Variants in ZKSCAN7 observed in about 807,000 individuals in gnomAD.
The protein encoded by ZKSCAN7 is zinc finger protein with KRAB and SCAN domains 7.
In ZKSCAN7, 38 loss-of-function variants were observed where a neutral mutation model predicts 65.3. The ratio of observed to expected loss-of-function variants is 0.58; its 90% confidence interval spans 0.45 to 0.76. ZKSCAN7 has a LOEUF of 0.76. Among genes scored for constraint, ZKSCAN7 ranks in the 30% least tolerant of loss-of-function variants. ZKSCAN7 has a pLI of 0.00. For synonymous variants in ZKSCAN7, 321 were observed against 321.0 expected, an observed-to-expected ratio of 1.00 and a Z score of 0.00; for missense variants, 815 against 913.3, an observed-to-expected ratio of 0.89 and a Z score of 1.39.
chr3:44,563,418 T>C (rs1420207897), intron 2 of ZKSCAN7, among the ~76,000 whole-genome samples: 1 of 152,198 alleles, frequency 6.6e-6, no homozygotes, highest in Non-Finnish European at 1.5e-5. Flanking sequence ...TTAGGTAATT[T>C]ATGAAGAAAA....
Position 44,578,382 on chromosome 3 carries a change from C to T in ZKSCAN7, c.812-4590C>T, listed in dbSNP as rs565589386. ...AGGGGTGACCCAGTGGCCTCCCCAC[C>T]GCCGTCCCCAGTCAGCAGCGTCCGC... On this transcript the variant is annotated intron_variant, in intron 5 of 5. Transcript: ENST00000341840. 5.5e-5 allele frequency: 89 copies of T among 1,613,402 alleles called. No homozygotes were observed. The Middle Eastern group carries it at 1.3e-3, about 24-fold the overall frequency.
chr3:44,575,014 C>A (rs894614564), downstream of ZKSCAN7, among the ~76,000 whole-genome samples: 1 of 151,680 alleles, frequency 6.6e-6, no homozygotes, highest in Non-Finnish European at 1.5e-5. Flanking sequence ...TGGGTCCAGT[C>A]AGGTGTGGTG....
At chr3:44,572,843 C>G, downstream of ZKSCAN7, among the ~76,000 whole-genome samples, 2 of 58,420 alleles carry the variant, frequency 3.4e-5, 1 homozygote, top group South Asian at 8.7e-4. Flanking sequence ...GAGCGAGACT[C>G]TGTCTCAAAA....
rs1228266988 is a variant in ZKSCAN7, at chr3:44,572,110, T to C, written c.*735T>C. ...GGTATGTATTTCTTTCCCATATAGA[T>C]AGTATTTTGTACATACCAGTTGTTA... On this transcript the variant is annotated 3_prime_UTR_variant, in exon 6 of 6. Coordinates refer to ENST00000426540, the MANE Select transcript of ZKSCAN7 (RefSeq NM_001288590.2). 6 of 983,050 alleles carry C rather than the reference T, an allele frequency of 6.1e-6. No individual in the cohort carries two copies. The highest frequency in any genetic ancestry group is 9.4e-5 in the South Asian group (2 of 21,256). 60.9% of individuals were successfully genotyped at this position (983,050 alleles called of 1,614,324 possible).
chr3:44,566,907 T>G (rs1212659086), intron 3 of ZKSCAN7, among the ~76,000 whole-genome samples: 1 of 151,830 alleles, frequency 6.6e-6, no homozygotes. Context: ...TCACTTGAGG[T>G]CAGGAGTTTG....
downstream of ZKSCAN7, among the ~76,000 whole-genome samples, chr3:44,575,796 T>C (rs1433209957): frequency 6.6e-6 from 1 of 152,188 alleles, no homozygotes; most frequent in Non-Finnish European, 1.5e-5. Flanking sequence ...CAGGCTGGTC[T>C]CGAATTCCCG....
At chr3:44,564,957 T>C (rs144037668) in intron 2 of ZKSCAN7, among the ~76,000 whole-genome samples, 318 of 152,182 alleles carry the variant, frequency 2.1e-3, no homozygotes, top group Middle Eastern at 6.8e-3. Context: ...CGTGCCACCA[T>C]GCCTGGCTAA....
At chr3:44,575,142 A>T (rs1435138369), downstream of ZKSCAN7, among the ~76,000 whole-genome samples, 1 of 152,164 alleles carries the variant, frequency 6.6e-6, no homozygotes, top group Non-Finnish European at 1.5e-5. Context: ...AAATAAAAAA[A>T]TATATTAGTT....
At chr3:44,569,230 C>T (rs1176245794) in intron 5 of ZKSCAN7, among the ~76,000 whole-genome samples, 7 of 152,228 alleles carry the variant, frequency 4.6e-5, no homozygotes, top group Admixed American at 2.0e-4. Flanking sequence ...TGTGGCCCAT[C>T]GTGGGATGCT....
chr3:44,560,857 T>C (rs1486832241), intron 2 of ZKSCAN7, among the ~76,000 whole-genome samples: 3 of 152,206 alleles, frequency 2.0e-5, no homozygotes, highest in African/African-American at 7.2e-5. Context: ...AAACAGGCAG[T>C]GCAGTAATCA....
At chr3:44,566,212 C>G (rs1159550457) in intron 3 of ZKSCAN7, among the ~76,000 whole-genome samples, 1 of 152,166 alleles carries the variant, frequency 6.6e-6, no homozygotes, top group Non-Finnish European at 1.5e-5. Flanking sequence ...AGACCCTAAG[C>G]TGGAGATTCC....
Position 44,569,939 on chromosome 3 carries a change from A to G in ZKSCAN7, c.829A>G (p.Lys277Glu), listed in dbSNP as rs1472830490. The G allele has an allele frequency of 6.5e-7, 1 of 1,538,510 alleles. No individual in the cohort carries two copies. The highest frequency in any genetic ancestry group is 1.4e-5 in the African/African-American group (1 of 71,972). The change falls in exon 6 of 6, where the codon AAG becomes GAG. Residue 277 changes from lysine to glutamate, a missense_variant. This residue lies in a region of ZKSCAN7 where 578 missense variants were observed against 629.5 expected (regional missense o/e 0.92). Transcript: ENST00000426540. Reference protein sequence around the residue: ...MASLAGENMMKGSELTPKQEF... With the variant: ...MASLAGENMMEGSELTPKQEF... ...TTGGGCAGCAGGTGAGAACATGATG[A>G]AGGGTTCAGAGTTGACTCCAAAGCA...
At chr3:44,559,155 C>T (rs965135501) in intron 2 of ZKSCAN7, among the ~76,000 whole-genome samples, 4 of 151,794 alleles carry the variant, frequency 2.6e-5, no homozygotes, top group African/African-American at 4.8e-5. Context: ...TGCATTCATC[C>T]GTTATCTAGT....
chr3:44,572,344 TTTTGTGTG>T (rs1476227426), downstream of ZKSCAN7, among the ~76,000 whole-genome samples: 1 of 102,664 alleles, frequency 9.7e-6, no homozygotes, highest in Non-Finnish European at 1.9e-5. Flanking sequence ...TGCGAATGGA[TTTTGTGTG>T]TGTGTGTGTG....
In ZKSCAN7 at chr3:44,570,144, A is replaced by T; in HGVS notation, c.1034A>T (p.Asp345Val). ...ENDFLEITDE[D>V]KKKSTKDRYD... ...GATTTCTTGGAAATAACAGATGAAG[A>T]TAAGAAAAAATCCACAAAAGACAGA... The change falls in exon 6 of 6, where the codon GAT (aspartate) becomes GTT (valine). Residue 345 changes from aspartate to valine, a missense_variant. Transcript: ENST00000426540. 6.2e-7 allele frequency: 1 copy of T among 1,614,156 alleles called. No homozygotes were observed. The highest frequency in any genetic ancestry group is 8.5e-7 in the Non-Finnish European group (1 of 1,180,034).
Position 44,570,376 on chromosome 3 carries a change from A to G in ZKSCAN7, c.1266A>G (p.Gln422=). 1 of 1,613,504 alleles carries G rather than the reference A, an allele frequency of 6.2e-7. No homozygotes were observed. Among genetic ancestry groups the G allele is most frequent in the Admixed American group, 1.7e-5 (1 of 59,990 alleles). ...ATGAGTGTGGGAAGACCTTCAGGCA[A>G]ACCTCCCAGCTCATTGTTCATCTCA... The part of the protein sequence containing the change: ...ECNECGKTFR[Q]TSQLIVHLRT... The change falls in exon 6 of 6, where the codon CAA becomes CAG. Residue 422 remains glutamine (Q), a synonymous_variant. Coordinates refer to ENST00000426540, the MANE Select transcript of ZKSCAN7 (RefSeq NM_001288590.2).
In ZKSCAN7 at chr3:44,570,690, AGT is replaced by A; in HGVS notation, c.1584_1585del (p.Cys528TrpfsTer8). ...GGTAAGAAACCTTACAAATGCAATG[AGT>A]GTGGGAGAGCATTCTGTTCCAATAG... is the stretch of plus-strand genomic sequence containing the variant. On this transcript the variant is annotated frameshift_variant, in exon 6 of 6. Transcript: ENST00000426540. LOFTEE classifies it high-confidence loss of function. 1 of 1,614,158 alleles carries A rather than the reference AGT, an allele frequency of 6.2e-7. No individual in the cohort carries two copies. The highest frequency in any genetic ancestry group is 1.1e-5 in the South Asian group (1 of 91,080).
At position 44,571,454 on chromosome 3, in the gene ZKSCAN7, C is replaced by T. The variant is rs752874802; in HGVS notation, c.*79C>T. The T allele has an allele frequency of 6.5e-5, 104 of 1,600,684 alleles. No homozygotes were observed. The highest frequency in any genetic ancestry group is 7.7e-5 in the South Asian group (7 of 90,916). On this transcript the variant is annotated 3_prime_UTR_variant, in exon 6 of 6. Transcript: ENST00000426540. ...AAGCAGGATGCTCATAGTGGTTTCC[C>T]GGAGCCAGTAGTCACGGTGGACCAT...
intron 5 of ZKSCAN7, among the ~76,000 whole-genome samples, chr3:44,577,844 A>G (rs1306069067): frequency 2.0e-5 from 3 of 152,224 alleles, no homozygotes; most frequent in South Asian, 4.1e-4. Context: ...AAACAAAGGT[A>G]CAGGTGAAAA....
Sources: gnomAD v4.1 joint callset for allele counts (sites outside exome capture counted in the v4.1 genomes callset) on GRCh38, gnomAD v4.1.1 for gene constraint, gnomAD v4.1.1 regional missense constraint, MANE v1.5 for transcripts, NCBI Gene and HGNC (gene_info 2026-07-23, HGNC 2026-07-21) for gene names.